The following SKAP1 variants were observed in gnomAD, a reference collection of about 807,000 sequenced individuals.
The protein encoded by SKAP1 is src kinase-associated phosphoprotein 1.
In SKAP1, 44 loss-of-function variants were observed where a neutral mutation model predicts 58.5. The ratio of observed to expected loss-of-function variants is 0.75; its 90% CI spans 0.59 to 0.97. The LOEUF is 0.97. Ranked by LOEUF, SKAP1 falls within the 50% of genes least tolerant of loss-of-function variation. SKAP1 has a pLI of 0.00. For missense variants in SKAP1, 390 were observed against 435.2 expected (o/e 0.90, Z 0.92); for synonymous variants, 127 against 149.7 (o/e 0.85, Z 1.11).
intron 4 of SKAP1, among the ~76,000 whole-genome samples, chr17:48,297,251 G>T (rs1347068231): frequency 6.6e-6 from 1 of 152,008 alleles, no homozygotes; most frequent in Non-Finnish European, 1.5e-5. Context: ...TATTTATCAT[G>T]ACACAAATTT....
intron 3 of SKAP1, among the ~76,000 whole-genome samples, chr17:48,358,189 G>A (rs987847653): frequency 3.9e-5 from 6 of 152,110 alleles, no homozygotes; most frequent in Non-Finnish European, 7.3e-5. Flanking sequence ...TTGCAAACAC[G>A]TCATAAATTT....
rs186706903 is a variant in SKAP1 at position 48,369,893 on chromosome 17, C to T, written c.153-6079G>A. ...AATATAATCTAACAATTAAAACAAT[C>T]ATCAAAATTAACTGAGTCTTTCTCT... On this transcript the variant is annotated intron_variant, in intron 2 of 12. Coordinates refer to ENST00000336915, the MANE Select transcript of SKAP1 (RefSeq NM_003726.4). Among the ~76,000 whole-genome samples, 76 of 152,246 alleles carry T rather than the reference C, an allele frequency of 5.0e-4. 1 individual carries two copies. The highest frequency in any genetic ancestry group is 1.3e-3 in the Admixed American group (20 of 15,286).
intron 2 of SKAP1, among the ~76,000 whole-genome samples, chr17:48,372,964 C>T (rs1378738927): frequency 1.3e-5 from 2 of 152,156 alleles, no homozygotes; most frequent in Non-Finnish European, 2.9e-5. Context: ...CTACTATTAT[C>T]CTCATTTTAC....
intron 4 of SKAP1, among the ~76,000 whole-genome samples, chr17:48,195,781 T>C (rs955256522): frequency 6.6e-6 from 1 of 152,178 alleles, no homozygotes; most frequent in East Asian, 1.9e-4. Flanking sequence ...ACAACTTTCA[T>C]GAGACCTCAA....
intron 4 of SKAP1, among the ~76,000 whole-genome samples, chr17:48,268,811 T>C (rs554687348): frequency 2.9e-4 from 44 of 152,084 alleles, no homozygotes; most frequent in Non-Finnish European, 5.9e-4. Context: ...TTTTTAACCG[T>C]AATGCTATAC....
At chr17:48,152,453 C>T (rs748371918) in intron 11 of SKAP1, among the ~76,000 whole-genome samples, 6 of 152,162 alleles carry the variant, frequency 3.9e-5, no homozygotes, top group Non-Finnish European at 5.9e-5. Context: ...AAATGTCATC[C>T]AGCCTCTTTG....
intron 2 of SKAP1, among the ~76,000 whole-genome samples, chr17:48,372,389 C>T (rs1213384151): frequency 6.6e-6 from 1 of 152,218 alleles, no homozygotes; most frequent in Non-Finnish European, 1.5e-5. Context: ...TCACCGCAAC[C>T]TCCGCCTCCC....
intron 4 of SKAP1, among the ~76,000 whole-genome samples, chr17:48,251,887 C>G (rs539537125): frequency 6.6e-6 from 1 of 152,304 alleles, no homozygotes; most frequent in Admixed American, 6.5e-5. Context: ...CGTAAAATTT[C>G]AAAATTATCT....
chr17:48,219,703 T>C (rs970206926), intron 4 of SKAP1, among the ~76,000 whole-genome samples: 1 of 152,190 alleles, frequency 6.6e-6, no homozygotes, highest in Non-Finnish European at 1.5e-5. Context: ...ATAAAGTCAT[T>C]ACCTGCTTTT....
intron 1 of SKAP1, among the ~76,000 whole-genome samples, chr17:48,415,383 T>C (rs2067720214): frequency 6.6e-6 from 1 of 152,206 alleles, no homozygotes; most frequent in Non-Finnish European, 1.5e-5. Flanking sequence ...TGGCAAATAC[T>C]CTTCACATGT....
chr17:48,175,404 C>T (rs2064276220), intron 9 of SKAP1, among the ~76,000 whole-genome samples: 2 of 152,138 alleles, frequency 1.3e-5, no homozygotes, highest in African/African-American at 4.8e-5. Flanking sequence ...TAAACTGCTC[C>T]CCCGCATGCA....
At chr17:48,204,918 ATCCT>A (rs72185809) in intron 4 of SKAP1, among the ~76,000 whole-genome samples, 2,643 of 149,554 alleles carry the variant, frequency 0.018, 78 homozygotes, top group African/African-American at 0.056. Flanking sequence ...TGTCAAGGAA[ATCCT>A]TCCTTCCTTC....
intron 7 of SKAP1, among the ~76,000 whole-genome samples, chr17:48,183,992 G>A (rs2064406870): frequency 2.0e-5 from 1 of 49,914 alleles, no homozygotes; most frequent in Non-Finnish European, 4.1e-5. Context: ...CAAAAAGCAG[G>A]AAACAATACA....
intron 4 of SKAP1, among the ~76,000 whole-genome samples, chr17:48,267,303 TAAAC>T (rs1567845221): frequency 1.3e-5 from 2 of 152,220 alleles, no homozygotes; most frequent in African/African-American, 4.8e-5. Context: ...TGATTTAACT[TAAAC>T]AATACCTCAA....
intron 6 of SKAP1, 137 bp from the exon 7 acceptor site, chr17:48,184,984 T>C (rs1374186535): frequency 1.3e-6 from 1 of 793,070 alleles, no homozygotes; most frequent in East Asian, 2.7e-5. Flanking sequence ...GGAAAGGTTA[T>C]TAGAGAAGCT....
At chr17:48,424,187 A>G (rs1369243936) in intron 1 of SKAP1, among the ~76,000 whole-genome samples, 1 of 151,294 alleles carries the variant, frequency 6.6e-6, no homozygotes, top group Non-Finnish European at 1.5e-5. Flanking sequence ...GTGTCCTCAC[A>G]TAGTGGAAGG....
At chr17:48,195,914 A>C (rs923014018) in intron 4 of SKAP1, among the ~76,000 whole-genome samples, 1 of 152,154 alleles carries the variant, frequency 6.6e-6, no homozygotes. Context: ...GACAAAAAAA[A>C]CCTCTGAGGT....
chr17:48,410,832 C>T (rs1379565192), intron 1 of SKAP1, among the ~76,000 whole-genome samples: 1 of 146,126 alleles, frequency 6.8e-6, no homozygotes, highest in Non-Finnish European at 1.5e-5. Flanking sequence ...GAGGCTGAGG[C>T]ACAAGAATCG....
chr17:48,435,618 G>A, the SKAP1 span, among the ~76,000 whole-genome samples: 1 of 152,176 alleles, frequency 6.6e-6, no homozygotes, highest in Admixed American at 6.5e-5. Flanking sequence ...TTCTAAAGTC[G>A]ACCTGGGTTT....
Sources: gnomAD v4.1 joint callset for allele counts (sites outside exome capture counted in the v4.1 genomes callset) on GRCh38, gnomAD v4.1.1 for gene constraint, MANE v1.5 for transcripts, NCBI Gene and HGNC (gene_info 2026-07-23, HGNC 2026-07-21) for gene names.